The following SEPTIN7 variants were observed in gnomAD, a reference collection of about 807,000 sequenced individuals.
SEPTIN7 encodes septin 7.
In SEPTIN7, 10 loss-of-function variants were observed where a neutral mutation model predicts 63.3. The ratio of observed to expected loss-of-function variants is 0.16; its 90% CI spans 0.10 to 0.27. The LOEUF is 0.27. SEPTIN7 is among the 10% of genes least tolerant of loss of function. The pLI, the probability that SEPTIN7 is intolerant of heterozygous loss-of-function variation, is 1.00. For missense variants in SEPTIN7, 310 were observed against 521.0 expected (o/e 0.59, Z 3.94); for synonymous variants, 131 against 165.3 (o/e 0.79, Z 1.59).
intron 3 of SEPTIN7, among the ~76,000 whole-genome samples, chr7:35,843,496 A>G (rs1562541809): frequency 6.6e-6 from 1 of 152,344 alleles, no homozygotes; most frequent in East Asian, 1.9e-4. Flanking sequence ...TATGGAAAAG[A>G]TAGAGCTGAA....
At chr7:35,862,241 C>G (rs892824324) in intron 3 of SEPTIN7, among the ~76,000 whole-genome samples, 1 of 152,052 alleles carries the variant, frequency 6.6e-6, no homozygotes, top group African/African-American at 2.4e-5. Context: ...CTTCCTCTCT[C>G]TTTTCCCTTT....
Position 35,873,654 on chromosome 7 carries a change from A to G in SEPTIN7, c.391A>G (p.Ile131Val), listed in dbSNP as rs1786296230. The G allele has an allele frequency of 6.2e-7, 1 of 1,609,624 alleles. No individual in the cohort carries two copies. Among genetic ancestry groups the G allele is most frequent in the South Asian group, 1.1e-5 (1 of 90,610 alleles). The change falls in exon 6 of 14, where the codon ATC becomes GTC. Residue 131 changes from isoleucine to valine, a missense_variant. Ile to Val is a conservative substitution (Grantham distance 29). Around this residue, in one of 2 missense-constraint regions of SEPTIN7, gnomAD observed 255 missense variants for 490.5 expected, o/e 0.52. Coordinates refer to ENST00000350320, the MANE Select transcript of SEPTIN7 (RefSeq NM_001788.6). Reference sequence around the variant, plus strand: ...TGCGTTCTATAGCTGGCAGCCTGTTATCGACTACATTGATAGTAAATTTGA... The same window carrying G: ...TGCGTTCTATAGCTGGCAGCCTGTTGTCGACTACATTGATAGTAAATTTGA... Reference protein sequence around the residue: ...VDNSNCWQPVIDYIDSKFEDY... With the variant: ...VDNSNCWQPVVDYIDSKFEDY...
At chr7:35,889,520 G>C (rs1787505825) in intron 10 of SEPTIN7, among the ~76,000 whole-genome samples, 1 of 152,158 alleles carries the variant, frequency 6.6e-6, no homozygotes, top group African/African-American at 2.4e-5. Flanking sequence ...TGGTTGTAAG[G>C]AATGATAAAA....
chr7:35,914,192 TAAC>T, the SEPTIN7 span, among the ~76,000 whole-genome samples: 1 of 152,226 alleles, frequency 6.6e-6, no homozygotes, highest in African/African-American at 2.4e-5. Flanking sequence ...TATGCTATAA[TAAC>T]ATTTAAATAA....
At chr7:35,895,062 T>C (rs1201128866) in intron 11 of SEPTIN7, among the ~76,000 whole-genome samples, 1 of 152,120 alleles carries the variant, frequency 6.6e-6, no homozygotes, top group Non-Finnish European at 1.5e-5. Context: ...TTCATTTCTT[T>C]GTCTGGGTTT....
At chr7:35,898,607 A>G in intron 12 of SEPTIN7, 1 of 365,302 alleles carries the variant, frequency 2.7e-6, no homozygotes, top group South Asian at 9.9e-5. Flanking sequence ...TAGGTAGGAC[A>G]GTGTAATAGA....
chr7:35,829,493 A>T (rs1223406347), intron 1 of SEPTIN7, among the ~76,000 whole-genome samples: 1 of 152,124 alleles, frequency 6.6e-6, no homozygotes, highest in Non-Finnish European at 1.5e-5. Flanking sequence ...TTAAAATAAT[A>T]CTGTGTGCCA....
intron 12 of SEPTIN7, chr7:35,902,831 A>G (rs1289451144): frequency 5.2e-6 from 2 of 383,322 alleles, no homozygotes; most frequent in Non-Finnish European, 8.4e-6. Flanking sequence ...CACACTGTTA[A>G]GTTTGTTGCT....
intron 1 of SEPTIN7, among the ~76,000 whole-genome samples, chr7:35,828,001 C>T (rs1486500677): frequency 6.6e-6 from 1 of 152,150 alleles, no homozygotes; most frequent in Non-Finnish European, 1.5e-5. Context: ...TGTGTCAGCA[C>T]TTTGCTAAGA....
In SEPTIN7 at chr7:35,801,122, G is replaced by A. The variant is rs1471877579; in HGVS notation, c.-88G>A. The A allele has an allele frequency of 7.1e-6, 8 of 1,121,786 alleles. No homozygotes were observed. Among genetic ancestry groups the A allele is most frequent in the African/African-American group, 1.7e-5 (1 of 60,316 alleles). 69.5% of individuals were successfully genotyped at this position (1,121,786 alleles called of 1,614,324 possible). On this transcript the variant is annotated 5_prime_UTR_variant, in exon 1 of 14. Coordinates refer to ENST00000350320, the MANE Select transcript of SEPTIN7 (RefSeq NM_001788.6). ...GTGCGTAAGCAAGGCAGCTACGCCG[G>A]GCGGCTACGCTGCGGAATCGGCGTA...
the SEPTIN7 span, among the ~76,000 whole-genome samples, chr7:35,913,387 A>C: frequency 7.2e-6 from 1 of 138,878 alleles, no homozygotes; most frequent in African/African-American, 2.7e-5. Context: ...CTTTCTTTTT[A>C]TCTTTCTTTC....
At chr7:35,888,441 A>G (rs1278288675) in intron 10 of SEPTIN7, among the ~76,000 whole-genome samples, 1 of 152,198 alleles carries the variant, frequency 6.6e-6, no homozygotes, top group Non-Finnish European at 1.5e-5. Flanking sequence ...TATCTTACAC[A>G]TTCATGCAAA....
At chr7:35,818,405 A>G (rs1274028190) in intron 1 of SEPTIN7, among the ~76,000 whole-genome samples, 1 of 151,932 alleles carries the variant, frequency 6.6e-6, no homozygotes, top group African/African-American at 2.4e-5. Flanking sequence ...CCATCCATAT[A>G]AGATATTGGT....
In SEPTIN7 at chr7:35,836,542, C is replaced by T. The variant is rs1562535348; in HGVS notation, c.169+3642C>T. 2.0e-5 allele frequency among the ~76,000 whole-genome samples: 3 copies of T among 152,128 alleles called. No individual in the cohort carries two copies. The South Asian group carries it at 6.2e-4, about 32-fold the overall frequency. Reference sequence around the variant, plus strand: ...ACATGTGTTTAGTGGCAGATTGGCACTTCTATTTTTTTTTCCAGTGGGAGA... The same window carrying T: ...ACATGTGTTTAGTGGCAGATTGGCATTTCTATTTTTTTTTCCAGTGGGAGA... On this transcript the variant is annotated intron_variant, in intron 3 of 13. Transcript: ENST00000350320.
intron 3 of SEPTIN7, among the ~76,000 whole-genome samples, chr7:35,863,030 C>T (rs938360722): frequency 6.6e-6 from 1 of 151,820 alleles, no homozygotes; most frequent in African/African-American, 2.4e-5. Flanking sequence ...GGAGAAGCAC[C>T]CTTATATTTA....
At chr7:35,908,685 TTC>T (rs1289999217), downstream of SEPTIN7, among the ~76,000 whole-genome samples, 1 of 152,132 alleles carries the variant, frequency 6.6e-6, no homozygotes, top group African/African-American at 2.4e-5. Context: ...TTCCTTTTTG[TTC>T]TCTTTGTTCT....
chr7:35,804,931 C>T (rs893753373), intron 1 of SEPTIN7, among the ~76,000 whole-genome samples: 6 of 150,502 alleles, frequency 4.0e-5, no homozygotes, highest in African/African-American at 1.5e-4. Flanking sequence ...CTGTCTGCCT[C>T]CTGGGTTCAA....
chr7:35,890,083 G>A (rs1787541968), intron 10 of SEPTIN7, among the ~76,000 whole-genome samples: 1 of 152,186 alleles, frequency 6.6e-6, no homozygotes, highest in African/African-American at 2.4e-5. Context: ...CATCTCATAT[G>A]TATTGTAGAC....
chr7:35,873,567 T>C (rs1174041492), intron 5 of SEPTIN7, 74 bp from the exon 6 acceptor site: 1 of 1,441,846 alleles, frequency 6.9e-7, no homozygotes, highest in African/African-American at 1.4e-5. Flanking sequence ...AAAATACTGA[T>C]TATTGTCCTT....
Sources: gnomAD v4.1 joint callset for allele counts (sites outside exome capture counted in the v4.1 genomes callset) on GRCh38, gnomAD v4.1.1 for gene constraint, gnomAD v4.1.1 regional missense constraint, MANE v1.5 for transcripts, NCBI Gene and HGNC (gene_info 2026-07-23, HGNC 2026-07-21) for gene names.